Variants in PAG1 observed in about 807,000 individuals in gnomAD.
The protein encoded by PAG1 is phosphoprotein associated with glycosphingolipid-enriched microdomains 1.
In PAG1, 23 loss-of-function variants were observed where a neutral mutation model predicts 31.7. The observed-to-expected ratio is 0.73, with a 90% confidence interval of 0.52 to 1.03. The LOEUF is 1.03. PAG1 is among the 50% of genes least tolerant of loss of function. The pLI is 0.00. For missense variants in PAG1, 473 were observed against 540.7 expected (o/e 0.87, Z 1.24); for synonymous variants, 214 against 210.3 (o/e 1.02, Z -0.15).
chr8:81,085,972 G>GTTTTTTTT lies in PAG1; in HGVS notation c.-233-15810_-233-15803dup, dbSNP rs869177030. On this transcript the variant is annotated intron_variant, in intron 1 of 8. Transcript: ENST00000220597. Reference sequence around the variant, plus strand: ...AGTAGTTACGCTTTTAATCTGGCTTGTTTTTTTTTTTTTTTTTTTTTTTTT... The same window carrying GTTTTTTTT: ...AGTAGTTACGCTTTTAATCTGGCTTGTTTTTTTTTTTTTTTTTTTTTTTTTTTTTTTTT... 4.9e-3 allele frequency among the ~76,000 whole-genome samples: 290 copies of GTTTTTTTT among 58,910 alleles called. 81 individuals carry two copies. Among genetic ancestry groups the GTTTTTTTT allele is most frequent in the African/African-American group, 0.018 (249 of 13,784 alleles). 38.6% of individuals were successfully genotyped at this position (58,910 alleles called of 152,430 possible). A position where few individuals can be genotyped will look rare whatever the true frequency, so the allele number is the denominator to read the frequency against.
intron 3 of PAG1, among the ~76,000 whole-genome samples, chr8:81,000,475 C>T (rs1187974306): frequency 3.3e-5 from 5 of 152,032 alleles, no homozygotes; most frequent in Admixed American, 2.6e-4. Context: ...AGTGCAGTGG[C>T]GTGATCTCGG....
At chr8:81,087,359 A>T (rs1001522173) in intron 1 of PAG1, among the ~76,000 whole-genome samples, 15 of 151,664 alleles carry the variant, frequency 9.9e-5, no homozygotes, top group Non-Finnish European at 1.9e-4. Context: ...AAAAAAAAAA[A>T]AGAATTTTAG....
chr8:81,066,797 TCTAGAC>T (rs967364921), intron 2 of PAG1, among the ~76,000 whole-genome samples: 9 of 152,132 alleles, frequency 5.9e-5, no homozygotes, highest in African/African-American at 1.9e-4. Context: ...ACTCTGTGAA[TCTAGAC>T]TGTGAATATG....
At chr8:80,993,025 C>A (rs1053516272) in intron 4 of PAG1, 78 bp downstream of exon 4, 69 of 1,325,592 alleles carry the variant, frequency 5.2e-5, no homozygotes, top group African/African-American at 9.1e-5. Flanking sequence ...CCATTCCTAA[C>A]AGGCTTTCCA....
chr8:81,109,837 T>C (rs1460003604), intron 1 of PAG1, among the ~76,000 whole-genome samples: 3 of 152,172 alleles, frequency 2.0e-5, no homozygotes, highest in Non-Finnish European at 2.9e-5. Flanking sequence ...TTGCCTAGAT[T>C]CAAACAGATG....
intron 3 of PAG1, among the ~76,000 whole-genome samples, chr8:81,002,966 C>T (rs1586158177): frequency 6.6e-6 from 1 of 152,158 alleles, no homozygotes; most frequent in East Asian, 1.9e-4. Context: ...GCAGATGACT[C>T]AAGGGGTGTG....
intron 2 of PAG1, among the ~76,000 whole-genome samples, chr8:81,062,672 T>C (rs187601459): frequency 4.0e-5 from 6 of 149,946 alleles, no homozygotes; most frequent in African/African-American, 1.5e-4. Context: ...GTTAACTTTA[T>C]CCTCTCAACA....
intron 7 of PAG1, among the ~76,000 whole-genome samples, chr8:80,980,948 G>T (rs1807287922): frequency 6.6e-6 from 1 of 152,168 alleles, no homozygotes; most frequent in South Asian, 2.1e-4. Context: ...CACATTTTGT[G>T]TCTTGCCCCC....
At chr8:81,087,558 G>C (rs973817723) in intron 1 of PAG1, among the ~76,000 whole-genome samples, 5 of 152,162 alleles carry the variant, frequency 3.3e-5, no homozygotes, top group African/African-American at 1.2e-4. Context: ...TAAGTCAATT[G>C]AGGAATATTC....
intron 2 of PAG1, among the ~76,000 whole-genome samples, chr8:81,044,646 G>A (rs1248699802): frequency 1.3e-5 from 2 of 152,046 alleles, no homozygotes; most frequent in Non-Finnish European, 2.9e-5. Flanking sequence ...TAAAACAGTG[G>A]GTCAAGTCCA....
At position 81,016,168 on chromosome 8, in the gene PAG1, T is replaced by A. The variant is rs10086374; in HGVS notation, c.-81+13828A>T. Among the ~76,000 whole-genome samples, 1,310 of 152,138 alleles carry A rather than the reference T, an allele frequency of 8.6e-3. 23 individuals are homozygous for A. The highest frequency in any genetic ancestry group is 0.03 in the African/African-American group (1,238 of 41,458). ...GACCAGAAGAACCTCCAACCTAAGA[T>A]GGCCCAAACTATAAAACTGTAGAAT... On this transcript the variant is annotated intron_variant, in intron 3 of 8. Coordinates refer to ENST00000220597, the MANE Select transcript of PAG1 (RefSeq NM_018440.4).
intron 1 of PAG1, among the ~76,000 whole-genome samples, chr8:81,092,237 G>C (rs909014668): frequency 1.4e-5 from 2 of 146,684 alleles, no homozygotes; most frequent in Non-Finnish European, 3.0e-5. Context: ...AGAAAAATTA[G>C]CTGGGCATGG....
At chr8:81,037,114 T>C (rs931429321) in intron 2 of PAG1, 7 of 152,004 alleles carry the variant, frequency 4.6e-5, no homozygotes, top group South Asian at 2.1e-4. Flanking sequence ...ACCGGAAAAA[T>C]AGTTCTTTCT....
At chr8:81,034,493 G>A (rs1412692274) in intron 2 of PAG1, among the ~76,000 whole-genome samples, 3 of 152,108 alleles carry the variant, frequency 2.0e-5, no homozygotes, top group African/African-American at 7.2e-5. Context: ...TATCTATGTT[G>A]CAATGGAAAT....
intron 3 of PAG1, among the ~76,000 whole-genome samples, chr8:81,009,994 G>A (rs1231839544): frequency 6.6e-6 from 1 of 152,146 alleles, no homozygotes; most frequent in Non-Finnish European, 1.5e-5. Context: ...CCTTGACATT[G>A]ATATTTGTGA....
intron 2 of PAG1, chr8:81,036,954 A>AC (rs1563638128): frequency 2.0e-5 from 3 of 150,662 alleles, no homozygotes; most frequent in African/African-American, 7.3e-5. Context: ...TCTGGGTTTT[A>AC]TTTTTTTTTC....
At chr8:81,022,336 T>C (rs1296033421) in intron 3 of PAG1, among the ~76,000 whole-genome samples, 2 of 152,220 alleles carry the variant, frequency 1.3e-5, no homozygotes, top group African/African-American at 4.8e-5. Context: ...TCATATTTAC[T>C]GAAAGGCTCC....
intron 3 of PAG1, among the ~76,000 whole-genome samples, chr8:81,018,641 T>C (rs1195702486): frequency 2.0e-5 from 3 of 152,226 alleles, no homozygotes; most frequent in East Asian, 1.9e-4. Context: ...TGGCACATGC[T>C]CTCTTGCCTG....
intron 2 of PAG1, among the ~76,000 whole-genome samples, chr8:81,044,773 A>G (rs1808612651): frequency 6.6e-6 from 1 of 152,106 alleles, no homozygotes; most frequent in Admixed American, 6.5e-5. Context: ...CAAAGGCTCT[A>G]GGATGTTTCC....
Sources: gnomAD v4.1 joint callset for allele counts (sites outside exome capture counted in the v4.1 genomes callset) on GRCh38, gnomAD v4.1.1 for gene constraint, MANE v1.5 for transcripts, NCBI Gene and HGNC (gene_info 2026-07-23, HGNC 2026-07-21) for gene names.